Variants in ADGRF5 observed in about 807,000 individuals in gnomAD.
The protein encoded by ADGRF5 is adhesion G protein-coupled receptor F5, also known as G-protein coupled receptor 116.
A neutral mutation model predicts 132.3 loss-of-function variants in ADGRF5; 75 were observed. The observed-to-expected ratio is 0.57, with a 90% CI of 0.47 to 0.69. The LOEUF (loss-of-function observed/expected upper bound fraction) is 0.69. Among genes scored for constraint, ADGRF5 ranks in the 30% least tolerant of loss-of-function variants. ADGRF5 has a pLI of 0.00. For missense variants in ADGRF5, 1,516 were observed against 1,630.6 expected (o/e 0.93, Z 1.21); for synonymous variants, 629 against 597.6 (o/e 1.05, Z -0.77).
intron 1 of ADGRF5, among the ~76,000 whole-genome samples, chr6:46,940,169 T>C (rs1280966919): frequency 6.6e-6 from 1 of 152,246 alleles, no homozygotes; most frequent in Non-Finnish European, 1.5e-5. Context: ...ACTTTGAGAC[T>C]GAGTGTGCAC....
At chr6:46,911,800 AG>A (rs1245871169) in intron 1 of ADGRF5, among the ~76,000 whole-genome samples, 1 of 152,200 alleles carries the variant, frequency 6.6e-6, no homozygotes, top group Non-Finnish European at 1.5e-5. Context: ...TACTGAGTGA[AG>A]GGGAAGTAGC....
At chr6:46,882,818 T>TG (rs1562186287) in intron 6 of ADGRF5, among the ~76,000 whole-genome samples, 1 of 152,212 alleles carries the variant, frequency 6.6e-6, no homozygotes, top group Non-Finnish European at 1.5e-5. Flanking sequence ...AAGGCACTCA[T>TG]GGGAGATGAC....
intron 1 of ADGRF5, among the ~76,000 whole-genome samples, chr6:46,944,600 G>C (rs1778228344): frequency 6.6e-6 from 1 of 152,086 alleles, no homozygotes. Flanking sequence ...CTCATCTCTA[G>C]ACCACACTTG....
chr6:46,938,143 T>C (rs1777918978), intron 1 of ADGRF5, among the ~76,000 whole-genome samples: 1 of 152,182 alleles, frequency 6.6e-6, no homozygotes, highest in South Asian at 2.1e-4. Flanking sequence ...AAATGTACAT[T>C]CTTTAATTCT....
chr6:46,855,289 A>G (rs1312054549), intron 20 of ADGRF5, among the ~76,000 whole-genome samples: 1 of 152,240 alleles, frequency 6.6e-6, no homozygotes, highest in African/African-American at 2.4e-5. Context: ...TATCGGCGTC[A>G]TCACGAATGC....
chr6:46,885,382 C>T (rs534327200), intron 4 of ADGRF5, among the ~76,000 whole-genome samples: 1 of 152,104 alleles, frequency 6.6e-6, no homozygotes, highest in Non-Finnish European at 1.5e-5. Context: ...CCCTCAAAAA[C>T]TGAGTCTATC....
chr6:46,861,194 G>T (rs1055778503), intron 15 of ADGRF5, among the ~76,000 whole-genome samples: 6 of 152,186 alleles, frequency 3.9e-5, no homozygotes, highest in Non-Finnish European at 4.4e-5. Flanking sequence ...AAAGTTGGGT[G>T]CAATGGTCAC....
intron 3 of ADGRF5, among the ~76,000 whole-genome samples, chr6:46,896,060 C>T (rs949236795): frequency 1.1e-4 from 17 of 152,232 alleles, no homozygotes; most frequent in African/African-American, 3.9e-4. Context: ...TGCTTCTTTC[C>T]TATCTTACTC....
At chr6:46,922,333 G>T (rs985659720), upstream of ADGRF5, among the ~76,000 whole-genome samples, 2 of 152,180 alleles carry the variant, frequency 1.3e-5, no homozygotes, top group East Asian at 3.9e-4. Flanking sequence ...CAGAAGAGAA[G>T]AGACCTAGAG....
At chr6:46,899,181 G>A (rs1186301385) in intron 3 of ADGRF5, among the ~76,000 whole-genome samples, 1 of 152,106 alleles carries the variant, frequency 6.6e-6, no homozygotes, top group Non-Finnish European at 1.5e-5. Flanking sequence ...GCTTCAGTGG[G>A]GGTCTCCCAG....
Position 46,859,341 on chromosome 6 carries a change from G to T in ADGRF5, c.2562C>A (p.Ser854Arg). 1.2e-6 allele frequency: 2 copies of T among 1,613,838 alleles called. No individual in the cohort carries two copies. Among genetic ancestry groups the T allele is most frequent in the African/African-American group, 2.7e-5 (2 of 75,032 alleles). ...GGTGGCTGGACTTGATTACCATGCT[G>T]CTCATCTGCACATTAGTTTGGGAGA... ...LSFSQTNVQM[S>R]SMVIKSSHPE... is the part of the protein sequence containing the mutation. Residue 854 changes from serine to arginine, a missense_variant, in exon 17 of 21, where the codon AGC (serine) becomes AGA (arginine). Coordinates refer to ENST00000283296, the MANE Select transcript of ADGRF5 (RefSeq NM_001098518.2).
intron 3 of ADGRF5, among the ~76,000 whole-genome samples, chr6:46,893,142 GAAGT>G (rs1433158812): frequency 1.5e-5 from 2 of 131,582 alleles, no homozygotes; most frequent in East Asian, 5.0e-4. Flanking sequence ...AGACTCAGAT[GAAGT>G]AAGGGATGAA....
At chr6:46,929,036 T>C (rs911692435) in intron 1 of ADGRF5, among the ~76,000 whole-genome samples, 3 of 152,164 alleles carry the variant, frequency 2.0e-5, no homozygotes, top group African/African-American at 4.8e-5. Context: ...TAAAGACACA[T>C]GCACACGTAA....
chr6:46,875,266 C>G (rs372285769), intron 10 of ADGRF5, among the ~76,000 whole-genome samples: 5 of 152,296 alleles, frequency 3.3e-5, no homozygotes, highest in African/African-American at 1.2e-4. Context: ...TCCTACAACA[C>G]CCCTGGGACT....
intron 1 of ADGRF5, among the ~76,000 whole-genome samples, chr6:46,940,505 T>A (rs758968291): frequency 1.3e-5 from 2 of 152,134 alleles, no homozygotes; most frequent in African/African-American, 4.8e-5. Flanking sequence ...CAGGATATAT[T>A]TCAGCCTTAG....
chr6:46,923,178 G>A (rs1777076088), upstream of ADGRF5, among the ~76,000 whole-genome samples: 2 of 152,270 alleles, frequency 1.3e-5, no homozygotes, highest in South Asian at 2.1e-4. Flanking sequence ...CCCCAGCCTC[G>A]GCCTCCCAAA....
chr6:46,927,736 C>A (rs1015954718), intron 1 of ADGRF5, among the ~76,000 whole-genome samples: 2 of 152,068 alleles, frequency 1.3e-5, no homozygotes, highest in Non-Finnish European at 2.9e-5. Context: ...CTTTTCCATC[C>A]ACAACCCCCA....
At position 46,869,015 on chromosome 6, in the gene ADGRF5, T is replaced by C. The variant is rs903241324; in HGVS notation, c.1489A>G (p.Ser497Gly). The C allele has an allele frequency of 1.1e-5, 17 of 1,613,278 alleles. No individual in the cohort carries two copies. Among genetic ancestry groups the C allele is most frequent in the Non-Finnish European group, 1.2e-5 (14 of 1,179,352 alleles). Residue 497 changes from serine to glycine, a missense_variant, in exon 12 of 21, where the codon AGT becomes GGT. This residue lies in a region of ADGRF5 where 945 missense variants were observed against 929.4 expected (regional missense o/e 1.02). Transcript: ENST00000283296. Reference protein sequence around the residue: ...NFSIKCISDVSNYDEVYWNTS... With the variant: ...NFSIKCISDVGNYDEVYWNTS... ...TTCCAATAAACCTCATCATAGTTAC[T>C]CACATCACTGATGCATTTTATAGAA...
chr6:46,886,208 T>C (rs962096916), intron 4 of ADGRF5, among the ~76,000 whole-genome samples: 1 of 152,210 alleles, frequency 6.6e-6, no homozygotes, highest in Non-Finnish European at 1.5e-5. Context: ...AGTTATCAAA[T>C]AGTTGTTTCT....
Sources: allele counts gnomAD v4.1 joint callset (sites outside exome capture counted in the v4.1 genomes callset), GRCh38; gene constraint gnomAD v4.1.1; regional missense constraint gnomAD v4.1.1; transcripts MANE v1.5; gene names NCBI Gene and HGNC (gene_info 2026-07-23, HGNC 2026-07-21).